WDR35: variants seen among roughly 807,000 people sequenced by gnomAD.
WDR35 encodes the protein WD repeat domain 35, also known as WD repeat-containing protein 35.
A neutral mutation model predicts 158.3 loss-of-function variants in WDR35; 118 were observed. That is an observed-to-expected ratio of 0.75 (90% confidence interval 0.64 to 0.87). The LOEUF is 0.87. Ranked by LOEUF, WDR35 falls within the 40% of genes least tolerant of loss-of-function variation. WDR35 has a pLI of 0.00. For missense variants in WDR35, 1,263 were observed against 1,405.8 expected, an observed-to-expected ratio of 0.90 and a Z score of 1.62; for synonymous variants, 448 against 476.1, an observed-to-expected ratio of 0.94 and a Z score of 0.77.
intron 11 of WDR35, among the ~76,000 whole-genome samples, chr2:19,959,156 A>C (rs978804208): frequency 6.6e-6 from 1 of 152,106 alleles, no homozygotes; most frequent in African/African-American, 2.4e-5. Context: ...CTACAAAAAA[A>C]AAAAGTTTTG....
At chr2:19,935,997 T>C (rs1449133457) in intron 20 of WDR35, among the ~76,000 whole-genome samples, 1 of 152,198 alleles carries the variant, frequency 6.6e-6, no homozygotes. Context: ...GAAAGCTGCA[T>C]GGAGCTAAGT....
chr2:19,969,631 T>TCAGTTA, intron 8 of WDR35, 26 bp from the exon 9 acceptor site: 1 of 1,609,556 alleles, frequency 6.2e-7, no homozygotes, highest in Admixed American at 1.7e-5. Context: ...ATCTTTAACC[T>TCAGTTA]AAAGTATAAC....
In WDR35 at chr2:19,933,712, G is replaced by C. The variant is rs11688680; in HGVS notation, c.2548-201C>G. On this transcript the variant is annotated intron_variant, in intron 21 of 26. Coordinates refer to ENST00000281405, the MANE Select transcript of WDR35 (RefSeq NM_020779.4). Reference sequence around the variant, plus strand: ...CTTCTATAAATCCAGAGCTTCACTGGCTCAGGCTGTGGATCTGATTTTTAA... The same window carrying C: ...CTTCTATAAATCCAGAGCTTCACTGCCTCAGGCTGTGGATCTGATTTTTAA... Among the ~76,000 whole-genome samples the C allele has an allele frequency of 0.25, 38,197 of 152,016 alleles. 4,850 individuals are homozygous for C. The highest frequency in any genetic ancestry group is 0.25 in the African/African-American group (10,560 of 41,436).
rs750968053 is a variant in WDR35 at position 19,931,273 on chromosome 2, G to A, written c.2960C>T (p.Ser987Leu). The change falls in exon 24 of 27, where the codon TCA (serine) becomes TTA (leucine). Residue 987 changes from serine (S) to leucine (L), a missense_variant. By Grantham distance (145) the Ser-to-Leu change is moderately radical. Transcript: ENST00000281405. Reference sequence around the variant, plus strand: ...TTATTTAACGTGCTACTTTACCTCTGAACTTTTTCCTTTAACTTTTCCTCG... The same window carrying A: ...TTATTTAACGTGCTACTTTACCTCTAAACTTTTTCCTTTAACTTTTCCTCG... Reference protein sequence around the residue: ...AQRGKVKGKSSEATSALAGLL... With the variant: ...AQRGKVKGKSLEATSALAGLL... 3.7e-6 allele frequency: 6 copies of A among 1,608,696 alleles called. No homozygotes were observed. The highest frequency in any genetic ancestry group is 5.1e-6 in the Non-Finnish European group (6 of 1,178,490).
chr2:19,950,115 GT>G (rs1241666644), intron 13 of WDR35, among the ~76,000 whole-genome samples: 1 of 152,056 alleles, frequency 6.6e-6, no homozygotes, highest in Non-Finnish European at 1.5e-5. Flanking sequence ...GTATTCACAG[GT>G]TTTTTTAAAA....
At chr2:19,966,032 A>G (rs1238019204) in intron 10 of WDR35, among the ~76,000 whole-genome samples, 1 of 152,084 alleles carries the variant, frequency 6.6e-6, no homozygotes, top group East Asian at 1.9e-4. Context: ...TCTGGTCCCT[A>G]TGGGCTTATG....
rs774458034 is a variant in WDR35, at chr2:19,974,481, A to T, written c.723T>A (p.His241Gln). 1 of 1,608,858 alleles carries T rather than the reference A, an allele frequency of 6.2e-7. No homozygotes were observed. ...FDNGRCQIMR[H>Q]ENDQNPVLID... ...AAAATTCCTTACTTTGGTCATTCTCATGTCTCATTATTTGGCATCTTCCAT... is the reference window on the plus strand; with the variant it reads ...AAAATTCCTTACTTTGGTCATTCTCTTGTCTCATTATTTGGCATCTTCCAT... The change falls in exon 7 of 27, where the codon CAT (histidine) becomes CAA (glutamine). Residue 241 changes from histidine to glutamine, a missense_variant. Physicochemically the swap from His to Gln is conservative, Grantham distance 24. Transcript: ENST00000281405.
At chr2:19,961,598 T>C (rs537084794) in intron 10 of WDR35, among the ~76,000 whole-genome samples, 15 of 152,304 alleles carry the variant, frequency 9.8e-5, no homozygotes, top group African/African-American at 3.6e-4. Context: ...TGTATGATCC[T>C]GAATGCAAAG....
chr2:19,989,093 C>G, intron 2 of WDR35, 72 bp downstream of exon 2: 1 of 1,291,430 alleles, frequency 7.7e-7, no homozygotes, highest in Admixed American at 1.7e-5. Context: ...TGACAGATAA[C>G]ATGAGTAGAC....
intron 25 of WDR35, among the ~76,000 whole-genome samples, chr2:19,923,412 G>A (rs1342720070): frequency 6.6e-6 from 1 of 152,150 alleles, no homozygotes; most frequent in Admixed American, 6.5e-5. Flanking sequence ...GGGTAACAAT[G>A]GGAAAAGTGT....
intron 5 of WDR35, among the ~76,000 whole-genome samples, chr2:19,976,307 C>A (rs1244675656): frequency 2.0e-5 from 3 of 152,108 alleles, no homozygotes; most frequent in Admixed American, 2.0e-4. Flanking sequence ...CCATTCCTTT[C>A]CCAACCAAAC....
At chr2:19,946,723 A>G (rs1015776422) in intron 14 of WDR35, among the ~76,000 whole-genome samples, 153 bp from the exon 15 acceptor site, 3 of 152,238 alleles carry the variant, frequency 2.0e-5, no homozygotes, top group Non-Finnish European at 2.9e-5. Flanking sequence ...CCTTAAGTAC[A>G]TATTTACCTA....
At position 19,913,609 on chromosome 2, in the gene WDR35, C is replaced by A. The variant is rs1377169987; in HGVS notation, c.3462G>T (p.Gln1154His). The change falls in exon 27 of 27, where the codon CAG becomes CAT. Residue 1154 changes from glutamine to histidine, a missense_variant. By Grantham distance (24) the Gln-to-His change is conservative. Coordinates refer to ENST00000281405, the MANE Select transcript of WDR35 (RefSeq NM_020779.4). Reference sequence around the variant, plus strand: ...GGCAGAAGCTGTAGTGGCTTATTTCCTGAGCAAGGACACCGTGTTTGCATA... The same window carrying A: ...GGCAGAAGCTGTAGTGGCTTATTTCATGAGCAAGGACACCGTGTTTGCATA... ...CSVCKHGVLA[Q>H]EISHYSFCPL... 6.2e-7 allele frequency: 1 copy of A among 1,613,900 alleles called. No homozygotes were observed. The highest frequency in any genetic ancestry group is 8.5e-7 in the Non-Finnish European group (1 of 1,179,982).
intron 25 of WDR35, among the ~76,000 whole-genome samples, chr2:19,918,172 C>T (rs1670047946): frequency 6.6e-6 from 1 of 152,158 alleles, no homozygotes; most frequent in African/African-American, 2.4e-5. Context: ...AAATAAAATC[C>T]TTTACAGACA....
In WDR35 at chr2:19,989,910, C is replaced by A. The variant is rs1008284405; in HGVS notation, c.24+82G>T. ...CCACGACCAGGACCGGGTGAAGGAG[C>A]CTGGCTTCTCGGGAAGGCAGCGGGA... On this transcript the variant is annotated intron_variant, in intron 1 of 26. Coordinates refer to ENST00000281405, the MANE Select transcript of WDR35 (RefSeq NM_020779.4). The A allele has an allele frequency of 6.3e-6, 10 of 1,591,252 alleles. No homozygotes were observed. The African/African-American group carries it at 1.2e-4, about 19-fold the overall frequency.
At position 19,933,445 on chromosome 2, in the gene WDR35, T is replaced by G. The variant is rs767447512; in HGVS notation, c.2614A>C (p.Ser872Arg). 3 of 1,614,040 alleles carry G rather than the reference T, an allele frequency of 1.9e-6. No homozygotes were observed. The highest frequency in any genetic ancestry group is 1.7e-6 in the Non-Finnish European group (2 of 1,179,960). Reference sequence around the variant, plus strand: ...GTATCTACTGCTGCCTTTGGTTGACTACATTTCAAAAATGCAGTCACTGCT... The same window carrying G: ...GTATCTACTGCTGCCTTTGGTTGACGACATTTCAAAAATGCAGTCACTGCT... ...EQAVTAFLKC[S>R]QPKAAVDTCV... is the part of the protein sequence containing the mutation. The change falls in exon 22 of 27, where the codon AGT becomes CGT. Residue 872 changes from serine (S) to arginine (R), a missense_variant. By Grantham distance (110) the Ser-to-Arg change is moderately radical. Transcript: ENST00000281405.
At chr2:19,983,755 C>T (rs1672462448) in intron 2 of WDR35, among the ~76,000 whole-genome samples, 1 of 152,028 alleles carries the variant, frequency 6.6e-6, no homozygotes. Context: ...GTTCTAATTA[C>T]CCAGTTGTTT....
intron 25 of WDR35, among the ~76,000 whole-genome samples, chr2:19,916,930 T>C (rs1419115979): frequency 6.6e-6 from 1 of 152,108 alleles, no homozygotes; most frequent in East Asian, 1.9e-4. Context: ...GTATCCTGAC[T>C]AGGAAACACC....
intron 25 of WDR35, among the ~76,000 whole-genome samples, chr2:19,915,186 A>G (rs1207576197): frequency 6.6e-6 from 1 of 152,172 alleles, no homozygotes; most frequent in East Asian, 1.9e-4. Flanking sequence ...TCTTAAAAAT[A>G]CTTTGTTATA....
Sources: gnomAD v4.1 joint callset for allele counts (sites outside exome capture counted in the v4.1 genomes callset) on GRCh38, gnomAD v4.1.1 for gene constraint, MANE v1.5 for transcripts, NCBI Gene and HGNC (gene_info 2026-07-23, HGNC 2026-07-21) for gene names.